RHEX: variants seen among roughly 807,000 people sequenced by gnomAD.
RHEX encodes the protein regulator of hemoglobinization and erythroid cell expansion, also known as regulator of hemoglobinization and erythroid cell expansion protein.
In RHEX, 18 loss-of-function variants were observed where a neutral mutation model predicts 20.1. The observed-to-expected ratio is 0.90, with a 90% CI of 0.62 to 1.33. RHEX has a LOEUF of 1.33. Ranked by LOEUF, RHEX falls within the 40% of genes most tolerant of loss-of-function variation. The pLI is 0.00. For synonymous variants in RHEX, 87 were observed against 77.1 expected, an observed-to-expected ratio of 1.13 and a Z score of -0.67; for missense variants, 192 against 214.3, an observed-to-expected ratio of 0.90 and a Z score of 0.65.
At chr1:206,082,517 C>CAA (rs71568088) in intron 1 of RHEX, among the ~76,000 whole-genome samples, 6 of 116,024 alleles carry the variant, frequency 5.2e-5, no homozygotes, top group Non-Finnish European at 7.5e-5. Context: ...GACTCCGTCT[C>CAA]AAAAAAAAAA....
intron 1 of RHEX, chr1:206,083,750 A>T (rs1662782504): frequency 1.8e-6 from 1 of 552,684 alleles, no homozygotes. Context: ...TTCTCTGTTT[A>T]TGTGCTGAGA....
chr1:206,099,595 A>G lies in RHEX; in HGVS notation c.113-60A>G, dbSNP rs1334804119. ...CAGCCTCCCAAATTGCTGGGATTAC[A>G]GGCATGAGCTACTGCGCCTGGCCAG... On this transcript the variant is annotated intron_variant, in intron 3 of 5. Coordinates refer to ENST00000331555, the MANE Select transcript of RHEX (RefSeq NM_001007544.4). 70 of 1,547,716 alleles carry G rather than the reference A, an allele frequency of 4.5e-5. 1 individual carries two copies. Among genetic ancestry groups the G allele is most frequent in the Non-Finnish European group, 5.8e-5 (66 of 1,137,238 alleles).
At chr1:206,086,111 A>G (rs1553286387) in intron 1 of RHEX, among the ~76,000 whole-genome samples, 1 of 152,044 alleles carries the variant, frequency 6.6e-6, no homozygotes, top group East Asian at 1.9e-4. Context: ...CTGGTGAGTG[A>G]CTCATTGACA....
chr1:206,086,261 T>C (rs1415258590), intron 1 of RHEX, among the ~76,000 whole-genome samples: 3 of 152,282 alleles, frequency 2.0e-5, no homozygotes, highest in African/African-American at 7.2e-5. Context: ...GTTTATACAT[T>C]TAAGACAATT....
intron 1 of RHEX, among the ~76,000 whole-genome samples, chr1:206,063,697 A>T (rs1553283689): frequency 1.3e-5 from 2 of 152,248 alleles, no homozygotes. Context: ...CTCAGTGCTC[A>T]GTGGCGCCCA....
intron 1 of RHEX, among the ~76,000 whole-genome samples, chr1:206,059,850 C>T (rs576928365): frequency 6.6e-6 from 1 of 152,284 alleles, no homozygotes; most frequent in African/African-American, 2.4e-5. Context: ...TCCCCTTCCC[C>T]ACCAGAGCAT....
intron 1 of RHEX, among the ~76,000 whole-genome samples, chr1:206,053,993 A>G (rs1553282167): frequency 6.6e-6 from 1 of 152,256 alleles, no homozygotes; most frequent in Non-Finnish European, 1.5e-5. Context: ...GGTTTTCAAC[A>G]AAAGTGAAGT....
At chr1:206,076,663 A>T (rs1662642895) in intron 1 of RHEX, among the ~76,000 whole-genome samples, 1 of 152,250 alleles carries the variant, frequency 6.6e-6, no homozygotes, top group Non-Finnish European at 1.5e-5. Flanking sequence ...TAATTCAGCC[A>T]TGTGACCAGC....
At chr1:206,079,554 C>A (rs1404759597) in intron 1 of RHEX, among the ~76,000 whole-genome samples, 1 of 151,954 alleles carries the variant, frequency 6.6e-6, no homozygotes, top group African/African-American at 2.4e-5. Context: ...ATCAGCAAGG[C>A]ATTTTTTTTC....
chr1:206,090,958 A>C (rs1662938319), intron 1 of RHEX, among the ~76,000 whole-genome samples: 1 of 152,156 alleles, frequency 6.6e-6, no homozygotes, highest in East Asian at 1.9e-4. Flanking sequence ...TTGGATTTCT[A>C]GGTGTAAAAT....
chr1:206,061,524 A>T (rs1662310902), intron 1 of RHEX: 1 of 152,196 alleles, frequency 6.6e-6, no homozygotes, highest in Non-Finnish European at 1.5e-5. Flanking sequence ...TGCCTATGAA[A>T]ACTGAGATCT....
intron 1 of RHEX, among the ~76,000 whole-genome samples, chr1:206,064,104 A>G (rs1662363496): frequency 7.2e-6 from 1 of 139,340 alleles, no homozygotes; most frequent in African/African-American, 2.8e-5. Flanking sequence ...GGAGGTGAGG[A>G]GCGTCTCTGC....
At chr1:206,064,098 G>T (rs1662363414) in intron 1 of RHEX, among the ~76,000 whole-genome samples, 1 of 150,674 alleles carries the variant, frequency 6.6e-6, no homozygotes, top group South Asian at 2.1e-4. Flanking sequence ...CGTCTGGGAG[G>T]TGAGGAGCGT....
rs1219948697 is a variant in RHEX, at chr1:206,099,585, C to T, written c.113-70C>T. The T allele has an allele frequency of 4.0e-6, 6 of 1,482,544 alleles. No individual in the cohort carries two copies. The African/African-American group carries it at 8.4e-5, about 21-fold the overall frequency. The allele number at this position is 1,482,544 out of a possible 1,614,324, so 91.8% of individuals were successfully genotyped here. ...CCATTTACCTCAGCCTCCCAAATTG[C>T]TGGGATTACAGGCATGAGCTACTGC... On this transcript the variant is annotated intron_variant, in intron 3 of 5. Coordinates refer to ENST00000331555, the MANE Select transcript of RHEX (RefSeq NM_001007544.4).
intron 3 of RHEX, 23 bp from the exon 4 acceptor site, chr1:206,099,632 G>C (rs1553288137): frequency 1.2e-6 from 2 of 1,610,228 alleles, no homozygotes; most frequent in Admixed American, 1.7e-5. Context: ...TTCCACTTTT[G>C]ATCCCTGCCC....
chr1:206,064,014 C>G (rs1356641644), intron 1 of RHEX, among the ~76,000 whole-genome samples: 1 of 146,934 alleles, frequency 6.8e-6, no homozygotes, highest in African/African-American at 2.5e-5. Flanking sequence ...CGCCCATCGT[C>G]TGAGATGTGG....
chr1:206,058,319 ACAAG>A (rs1553282875), intron 1 of RHEX, among the ~76,000 whole-genome samples: 1 of 152,204 alleles, frequency 6.6e-6, no homozygotes. Flanking sequence ...ATGCTTCAGC[ACAAG>A]CATACTATAT....
intron 1 of RHEX, among the ~76,000 whole-genome samples, chr1:206,066,225 A>G (rs1662420269): frequency 6.6e-6 from 1 of 152,210 alleles, no homozygotes; most frequent in South Asian, 2.1e-4. Context: ...CGAATCTCTT[A>G]TCTATTAACT....
intron 1 of RHEX, among the ~76,000 whole-genome samples, chr1:206,092,923 G>A (rs1300141125): frequency 7.9e-5 from 12 of 151,704 alleles, no homozygotes; most frequent in Non-Finnish European, 1.2e-4. Flanking sequence ...CTTTCTTTTC[G>A]CCTTACTTCA....
Sources: allele counts gnomAD v4.1 joint callset (sites outside exome capture counted in the v4.1 genomes callset), GRCh38; gene constraint gnomAD v4.1.1; transcripts MANE v1.5; gene names NCBI Gene and HGNC (gene_info 2026-07-23, HGNC 2026-07-21).